The following PLA2G4A variants were observed in gnomAD, a reference collection of about 807,000 sequenced individuals.
The protein encoded by PLA2G4A is phospholipase A2 group IVA.
Under a neutral mutation model 81.9 loss-of-function variants are expected in PLA2G4A, and 40 were observed. That is an observed-to-expected ratio of 0.49 (90% CI 0.38 to 0.64). The LOEUF (loss-of-function observed/expected upper bound fraction) is 0.64, where lower values mean the gene tolerates loss of function less well. Among genes scored for constraint, PLA2G4A ranks in the 30% least tolerant of loss-of-function variants. The probability of loss-of-function intolerance (pLI) is 0.00; values close to 1 mark genes in which losing one functional copy is unlikely to be tolerated. For missense variants in PLA2G4A, 715 were observed against 905.1 expected (o/e 0.79, Z 2.69); for synonymous variants, 302 against 296.9 (o/e 1.02, Z -0.18).
At chr1:186,842,371 C>T (rs1384977496) in intron 1 of PLA2G4A, among the ~76,000 whole-genome samples, 1 of 152,046 alleles carries the variant, frequency 6.6e-6, no homozygotes, top group African/African-American at 2.4e-5. Context: ...CACATCTGGA[C>T]TTCTCTGGCC....
At chr1:186,931,910 G>A (rs1655760059) in intron 7 of PLA2G4A, among the ~76,000 whole-genome samples, 1 of 152,092 alleles carries the variant, frequency 6.6e-6, no homozygotes, top group South Asian at 2.1e-4. Context: ...CCCTAAGTCT[G>A]ACCACCCACC....
At chr1:186,898,926 C>T (rs1654443591) in intron 5 of PLA2G4A, among the ~76,000 whole-genome samples, 1 of 152,104 alleles carries the variant, frequency 6.6e-6, no homozygotes, top group Non-Finnish European at 1.5e-5. Context: ...ATTCATTTGA[C>T]AAATAACTAT....
rs567303757 is a variant in PLA2G4A, at chr1:186,900,621, G to T, written c.379-6344G>T. The stretch of plus-strand genomic sequence containing the variant: ...TCAAATGTGGTTTGGGGTTATAGTG[G>T]CCCATTTTAAAGTGGGAAGGTCTAG... On this transcript the variant is annotated intron_variant, in intron 5 of 17. Coordinates refer to ENST00000367466, the MANE Select transcript of PLA2G4A (RefSeq NM_024420.3). Among the ~76,000 whole-genome samples the T allele has an allele frequency of 2.6e-5, 4 of 152,282 alleles. No homozygotes were observed. In the South Asian group the frequency reaches 8.3e-4, roughly 32 times the overall value.
intron 2 of PLA2G4A, among the ~76,000 whole-genome samples, chr1:186,859,277 G>A (rs1187455322): frequency 6.6e-6 from 1 of 152,154 alleles, no homozygotes; most frequent in Admixed American, 6.6e-5. Context: ...GGAAAACAGA[G>A]TGACAAATAC....
In PLA2G4A at chr1:186,847,468, C is replaced by T. The variant is rs897692601; in HGVS notation, c.-69-6818C>T. 4.6e-5 allele frequency among the ~76,000 whole-genome samples: 7 copies of T among 151,936 alleles called. No homozygotes were observed. The East Asian group carries it at 9.7e-4, about 21-fold the overall frequency. Reference sequence around the variant, plus strand: ...GAGAGGATTTCCCACATTCCTCGTTCTGCCATTTTGTAAGCTGGTTCACCT... The same window carrying T: ...GAGAGGATTTCCCACATTCCTCGTTTTGCCATTTTGTAAGCTGGTTCACCT... On this transcript the variant is annotated intron_variant, in intron 1 of 17. Coordinates refer to ENST00000367466, the MANE Select transcript of PLA2G4A (RefSeq NM_024420.3).
At chr1:186,875,261 T>A (rs574687168) in intron 3 of PLA2G4A, among the ~76,000 whole-genome samples, 2 of 152,202 alleles carry the variant, frequency 1.3e-5, no homozygotes, top group African/African-American at 4.8e-5. Context: ...CTTTTGTTTT[T>A]TGCTGATTTT....
chr1:186,984,068 T>G (rs1314050458), intron 17 of PLA2G4A, among the ~76,000 whole-genome samples: 1 of 152,196 alleles, frequency 6.6e-6, no homozygotes, highest in Admixed American at 6.5e-5. Context: ...TTTATTTACC[T>G]TGTATTCTGT....
chr1:186,858,918 C>CGT (rs142558787), intron 2 of PLA2G4A, among the ~76,000 whole-genome samples: 7,442 of 147,834 alleles, frequency 0.05, 212 homozygotes, highest in Admixed American at 0.076. Flanking sequence ...TGGGTGTGTG[C>CGT]GTGTGTGTGT....
chr1:186,937,875 G>A (rs1483040751), intron 8 of PLA2G4A, among the ~76,000 whole-genome samples: 1 of 151,998 alleles, frequency 6.6e-6, no homozygotes, highest in Non-Finnish European at 1.5e-5. Flanking sequence ...GCCACCGTGA[G>A]TCTTCAAGAC....
chr1:186,959,275 T>A (rs966771272), intron 14 of PLA2G4A, among the ~76,000 whole-genome samples: 4 of 152,150 alleles, frequency 2.6e-5, no homozygotes, highest in African/African-American at 9.6e-5. Flanking sequence ...CACCACCTTG[T>A]CGACTCCTTT....
At position 186,988,653 on chromosome 1, in the gene PLA2G4A, A is replaced by G; in HGVS notation, c.*145A>G. 2.1e-5 allele frequency: 14 copies of G among 678,698 alleles called. No individual in the cohort carries two copies. The highest frequency in any genetic ancestry group is 1.9e-4 in the South Asian group (13 of 67,486). The allele number at this position is 678,698 out of a possible 1,614,324, so 42.0% of individuals were successfully genotyped here. A position where few individuals can be genotyped will look rare whatever the true frequency, so the allele number is the denominator to read the frequency against. ...AAAGTTGCAGTTACTTAGCTGCATG[A>G]GAATAATACTATTATAAGTTAGGTT... On this transcript the variant is annotated 3_prime_UTR_variant, in exon 18 of 18. Transcript: ENST00000367466.
rs199674061 is a variant in PLA2G4A, at chr1:186,854,378, G to A, written c.24G>A (p.Gln8=). 1.1e-5 allele frequency: 17 copies of A among 1,566,860 alleles called. No individual in the cohort carries two copies. Among genetic ancestry groups the A allele is most frequent in the Admixed American group, 3.3e-5 (2 of 59,730 alleles). Residue 8 remains glutamine (Q), a synonymous_variant, in exon 2 of 18, where the codon CAG becomes CAA. Transcript: ENST00000367466. The stretch of plus-strand genomic sequence containing the variant: ...AAATGTCATTTATAGATCCTTACCA[G>A]CACATTATAGTAAGTCATTCACTGT... The part of the protein sequence containing the change: MSFIDPY[Q]HIIVEHQYSH...
At chr1:186,971,872 G>A (rs2102286700) in intron 15 of PLA2G4A, among the ~76,000 whole-genome samples, 1 of 152,146 alleles carries the variant, frequency 6.6e-6, no homozygotes, top group East Asian at 1.9e-4. Flanking sequence ...TATGCAATAT[G>A]ATTTTATTAA....
intron 3 of PLA2G4A, among the ~76,000 whole-genome samples, chr1:186,882,490 A>G (rs1405719708): frequency 2.0e-5 from 3 of 152,126 alleles, no homozygotes; most frequent in Non-Finnish European, 4.4e-5. Flanking sequence ...TCTGCCATCA[A>G]TATGCCTGTG....
Position 186,911,365 on chromosome 1 carries a change from T to C in PLA2G4A, c.534T>C (p.Ser178=), listed in dbSNP as rs1205496002. ...SMKKLLGPKN[S]EGLHSARDVP... Reference sequence around the variant, plus strand: ...AGAAACTCTTGGGTCCAAAGAATAGTGAAGGATTGCATTCTGCACGTGATG... The same window carrying C: ...AGAAACTCTTGGGTCCAAAGAATAGCGAAGGATTGCATTCTGCACGTGATG... The change falls in exon 7 of 18, where the codon AGT becomes AGC. Residue 178 remains serine, a synonymous_variant. Transcript: ENST00000367466. 2 of 1,610,960 alleles carry C rather than the reference T, an allele frequency of 1.2e-6. No homozygotes were observed. The highest frequency in any genetic ancestry group is 2.2e-5 in the East Asian group (1 of 44,850).
intron 15 of PLA2G4A, among the ~76,000 whole-genome samples, chr1:186,972,336 C>T (rs1657384249): frequency 6.6e-6 from 1 of 151,886 alleles, no homozygotes; most frequent in Non-Finnish European, 1.5e-5. Flanking sequence ...ATTTAGTGTA[C>T]CATTAGAGCT....
chr1:186,927,047 T>A (rs905761564), intron 7 of PLA2G4A, among the ~76,000 whole-genome samples: 2 of 152,274 alleles, frequency 1.3e-5, no homozygotes, highest in African/African-American at 2.4e-5. Flanking sequence ...TTGAAAAAAA[T>A]TATTGATTTT....
In PLA2G4A at chr1:186,907,393, A is replaced by G. The variant is rs1456078806; in HGVS notation, c.416+391A>G. Among the ~76,000 whole-genome samples, 6 of 152,322 alleles carry G rather than the reference A, an allele frequency of 3.9e-5. No homozygotes were observed. The South Asian group carries it at 8.3e-4, about 21-fold the overall frequency. On this transcript the variant is annotated intron_variant, in intron 6 of 17. Coordinates refer to ENST00000367466, the MANE Select transcript of PLA2G4A (RefSeq NM_024420.3). ...AACATAGAAGTGAACTTAAACAGAA[A>G]CTATATAATAATTTTTAAAATTGAG...
At chr1:186,950,854 G>T (rs1656535079) in intron 13 of PLA2G4A, 126 bp downstream of exon 13, 1 of 700,350 alleles carries the variant, frequency 1.4e-6, no homozygotes, top group South Asian at 1.5e-5. Context: ...TAAAATTGTA[G>T]CTTTCTGTTG....
Sources: allele counts gnomAD v4.1 joint callset (sites outside exome capture counted in the v4.1 genomes callset), GRCh38; gene constraint gnomAD v4.1.1; transcripts MANE v1.5; gene names NCBI Gene and HGNC (gene_info 2026-07-23, HGNC 2026-07-21).